Variants in DERL1 observed in about 807,000 individuals in gnomAD.
DERL1 encodes the protein derlin 1.
DERL1 carries 24 observed loss-of-function variants against 41.6 expected under a neutral mutation model. That is an observed-to-expected ratio of 0.58 (90% CI 0.42 to 0.81). The LOEUF is 0.81. Among genes scored for constraint, DERL1 ranks in the 30% least tolerant of loss-of-function variants. The probability of loss-of-function intolerance (pLI) is 0.00; values close to 1 mark genes in which losing one functional copy is unlikely to be tolerated. For synonymous variants in DERL1, 124 were observed against 112.5 expected, an observed-to-expected ratio of 1.10 and a Z score of -0.65; for missense variants, 260 against 314.3, an observed-to-expected ratio of 0.83 and a Z score of 1.31.
intron 2 of DERL1, 28 bp downstream of exon 2, chr8:123,030,577 A>ATTTT (rs1487709798): frequency 6.8e-7 from 1 of 1,472,570 alleles, no homozygotes; most frequent in Non-Finnish European, 9.3e-7. Flanking sequence ...GAAAGAAACA[A>ATTTT]TGCTTAAAAC....
At chr8:123,025,530 C>CT (rs35512152) in intron 2 of DERL1, 93,605 of 153,972 alleles carry the variant, frequency 0.61, 29,163 homozygotes, top group South Asian at 0.71. Flanking sequence ...GTTTTGTCTC[C>CT]ATTGTGTCTC....
chr8:123,037,332 C>A (rs79535665), intron 1 of DERL1, among the ~76,000 whole-genome samples: 5,297 of 152,232 alleles, frequency 0.035, 114 homozygotes, highest in Middle Eastern at 0.051. Context: ...GAGTGTCTTA[C>A]AATCAATACA....
chr8:123,020,164 A>C (rs1400051012), intron 6 of DERL1, among the ~76,000 whole-genome samples: 11 of 152,222 alleles, frequency 7.2e-5, no homozygotes, highest in Non-Finnish European at 1.5e-4. Flanking sequence ...TTGAAATATT[A>C]AAAGTAGTTT....
chr8:123,032,726 A>AC (rs1586468004), intron 1 of DERL1, among the ~76,000 whole-genome samples: 1 of 151,848 alleles, frequency 6.6e-6, no homozygotes, highest in African/African-American at 2.4e-5. Flanking sequence ...AGTAACCCAC[A>AC]TTTTTTCCAA....
chr8:123,017,442 C>T (rs1334196275), intron 7 of DERL1: 1 of 152,180 alleles, frequency 6.6e-6, no homozygotes, highest in Non-Finnish European at 1.5e-5. Flanking sequence ...CACTCTAAGA[C>T]AATATGGAAG....
At chr8:123,029,494 A>G (rs545603704) in intron 2 of DERL1, among the ~76,000 whole-genome samples, 1 of 152,324 alleles carries the variant, frequency 6.6e-6, no homozygotes, top group African/African-American at 2.4e-5. Flanking sequence ...CGCAATTCTC[A>G]ACCATATGAG....
At chr8:123,024,786 C>T (rs1812644148) in intron 3 of DERL1, among the ~76,000 whole-genome samples, 200 bp downstream of exon 3, 3 of 152,128 alleles carry the variant, frequency 2.0e-5, no homozygotes, top group African/African-American at 7.2e-5. Context: ...AAAAATCCCA[C>T]AAATGGTAAG....
chr8:123,040,881 G>T (rs745634338), intron 1 of DERL1, among the ~76,000 whole-genome samples: 1 of 152,214 alleles, frequency 6.6e-6, no homozygotes, highest in Non-Finnish European at 1.5e-5. Flanking sequence ...TTTTGGACAC[G>T]TTAAGATGAA....
chr8:123,026,925 A>G (rs920588917), intron 2 of DERL1, among the ~76,000 whole-genome samples: 14 of 152,220 alleles, frequency 9.2e-5, no homozygotes, highest in Admixed American at 4.6e-4. Flanking sequence ...CGTAAAAGAC[A>G]TAAGTCACAA....
intron 1 of DERL1, among the ~76,000 whole-genome samples, chr8:123,040,397 G>A (rs76685722): frequency 3.4e-4 from 52 of 152,298 alleles, no homozygotes; most frequent in Middle Eastern, 3.4e-3. Flanking sequence ...CTCAGGCAGA[G>A]AAACAACATG....
chr8:123,014,810 G>A lies in DERL1; in HGVS notation c.*637C>T, dbSNP rs1814510717. The A allele has an allele frequency of 6.6e-6, 1 of 152,200 alleles. No homozygotes were observed. Among genetic ancestry groups the A allele is most frequent in the African/African-American group, 2.4e-5 (1 of 41,442 alleles). 9.4% of individuals were successfully genotyped at this position (152,200 alleles called of 1,614,324 possible). A position where few individuals can be genotyped will look rare whatever the true frequency, so the allele number is the denominator to read the frequency against. ...GTGGTACTTTTTTATAAAAATATCT[G>A]AAGAAGTGGCAAACGGTTACAACGG... On this transcript the variant is annotated 3_prime_UTR_variant, in exon 8 of 8. Coordinates refer to ENST00000259512, the MANE Select transcript of DERL1 (RefSeq NM_024295.6).
chr8:123,030,390 A>G, intron 2 of DERL1: 1 of 398,198 alleles, frequency 2.5e-6, no homozygotes, highest in African/African-American at 2.1e-5. Context: ...CATCTATAAA[A>G]TGGTAACACT....
At position 123,026,075 on chromosome 8, in the gene DERL1, C is replaced by T. The variant is rs138089850; in HGVS notation, c.266-1025G>A. On this transcript the variant is annotated intron_variant, in intron 2 of 7. Coordinates refer to ENST00000259512, the MANE Select transcript of DERL1 (RefSeq NM_024295.6). ...CACACCCCCTCACAGTTACATGATACAGCTAGTCAATTTAAAAAAAGAAAC... is the reference window on the plus strand; with the variant it reads ...CACACCCCCTCACAGTTACATGATATAGCTAGTCAATTTAAAAAAAGAAAC... 1.3e-3 allele frequency among the ~76,000 whole-genome samples: 204 copies of T among 151,650 alleles called. 1 individual carries two copies. The highest frequency in any genetic ancestry group is 4.5e-3 in the African/African-American group (185 of 41,338).
At position 123,019,204 on chromosome 8, in the gene DERL1, G is replaced by A. The variant is rs139154983; in HGVS notation, c.608C>T (p.Pro203Leu). The A allele has an allele frequency of 1.1e-4, 174 of 1,607,612 alleles. No homozygotes were observed. The highest frequency in any genetic ancestry group is 1.5e-4 in the Non-Finnish European group (173 of 1,174,274). The change falls in exon 7 of 8, where the codon CCT becomes CTT. Residue 203 changes from proline to leucine, a missense_variant. By Grantham distance (98) the Pro-to-Leu change is moderately conservative (BLOSUM62 -3). Coordinates refer to ENST00000259512, the MANE Select transcript of DERL1 (RefSeq NM_024295.6). ...GGACAAAAACACTTACAAAAACTGAGGTGTGGATAGAAAATTTCTTCCTCC... is the reference window on the plus strand; with the variant it reads ...GGACAAAAACACTTACAAAAACTGAAGTGTGGATAGAAAATTTCTTCCTCC... ...DLGGRNFLST[P>L]QFLYRWLPSR...
At chr8:123,032,471 T>C (rs1054220211) in intron 1 of DERL1, among the ~76,000 whole-genome samples, 3 of 152,208 alleles carry the variant, frequency 2.0e-5, no homozygotes, top group African/African-American at 7.2e-5. Context: ...CTCTTTCTCA[T>C]CATTGCAAGC....
chr8:123,025,194 T>TA, intron 2 of DERL1, 144 bp from the exon 3 acceptor site: 1 of 770,734 alleles, frequency 1.3e-6, no homozygotes, highest in Non-Finnish European at 2.0e-6. Context: ...AGTGAATTTT[T>TA]AAAAATATCT....
rs192236313 is a variant in DERL1, at chr8:123,013,285, C to T, written c.*2162G>A. ...GCTCTTCAAGAGATAATTGGTTACA[C>T]AAATTATGTGATATCTAAGAGACAG... On this transcript the variant is annotated 3_prime_UTR_variant, in exon 8 of 8. Coordinates refer to ENST00000259512, the MANE Select transcript of DERL1 (RefSeq NM_024295.6). The T allele has an allele frequency of 6.6e-6, 1 of 152,242 alleles. No homozygotes were observed. The highest frequency in any genetic ancestry group is 1.5e-5 in the Non-Finnish European group (1 of 68,014). 9.4% of individuals were successfully genotyped at this position (152,242 alleles called of 1,614,324 possible).
rs202201338 is a variant in DERL1 at position 123,015,403 on chromosome 8, G to C, written c.*44C>G. ...AGTTGTTAAGTGCACCCAGCACTGG[G>C]AGGAAATGTGGCTTGAGAGGAGCGG... On this transcript the variant is annotated 3_prime_UTR_variant, in exon 8 of 8. Coordinates refer to ENST00000259512, the MANE Select transcript of DERL1 (RefSeq NM_024295.6). The C allele has an allele frequency of 1.6e-4, 250 of 1,602,430 alleles. No homozygotes were observed. Among genetic ancestry groups the C allele is most frequent in the Non-Finnish European group, 1.9e-4 (228 of 1,173,570 alleles).
In DERL1 at chr8:123,035,260, A is replaced by G. The variant is rs757276220; in HGVS notation, c.154-4544T>C. Among the ~76,000 whole-genome samples, 103 of 152,172 alleles carry G rather than the reference A, an allele frequency of 6.8e-4. 1 individual carries two copies. The highest frequency in any genetic ancestry group is 2.9e-4 in the Non-Finnish European group (20 of 68,024). On this transcript the variant is annotated intron_variant, in intron 1 of 7. Transcript: ENST00000259512. ...CTACCCTTGAGTTATACTTGCTTTC[A>G]TTGATCTAAAAGACTTAATATTATT... is the stretch of plus-strand genomic sequence containing the variant.
Sources: gnomAD v4.1 joint callset for allele counts (sites outside exome capture counted in the v4.1 genomes callset) on GRCh38, gnomAD v4.1.1 for gene constraint, MANE v1.5 for transcripts, NCBI Gene and HGNC (gene_info 2026-07-23, HGNC 2026-07-21) for gene names.